LPAR3: variants seen among roughly 807,000 people sequenced by gnomAD.
The protein encoded by LPAR3 is LPA receptor 3.
Under a neutral mutation model 17.8 loss-of-function variants are expected in LPAR3, and 7 were observed. The observed-to-expected ratio is 0.39, with a 90% confidence interval of 0.22 to 0.74. LPAR3 has a LOEUF of 0.74. LPAR3 is among the 30% of genes least tolerant of loss of function. The pLI, the probability that LPAR3 is intolerant of heterozygous loss-of-function variation, is 0.40. For missense variants in LPAR3, 391 were observed against 453.4 expected, an observed-to-expected ratio of 0.86 and a Z score of 1.25; for synonymous variants, 179 against 179.9, an observed-to-expected ratio of 0.99 and a Z score of 0.04.
intron 1 of LPAR3, among the ~76,000 whole-genome samples, chr1:84,891,692 G>A (rs905141249): frequency 3.3e-5 from 5 of 152,174 alleles, no homozygotes; most frequent in Admixed American, 6.5e-5. Context: ...TTAATGAAAC[G>A]TTGTGCGGTA....
intron 1 of LPAR3, among the ~76,000 whole-genome samples, chr1:84,880,536 T>C (rs1027869505): frequency 1.3e-5 from 2 of 152,178 alleles, no homozygotes; most frequent in Non-Finnish European, 2.9e-5. Flanking sequence ...GATCAGAGTA[T>C]GGGTGCATCT....
intron 1 of LPAR3, among the ~76,000 whole-genome samples, chr1:84,886,935 A>C (rs186824086): frequency 6.6e-6 from 1 of 152,336 alleles, no homozygotes; most frequent in East Asian, 1.9e-4. Context: ...AATAAAAAAC[A>C]ATCGTGAGAC....
chr1:84,887,982 A>G (rs147672681), intron 1 of LPAR3, among the ~76,000 whole-genome samples: 2,443 of 152,198 alleles, frequency 0.016, 33 homozygotes, highest in Non-Finnish European at 0.026. Flanking sequence ...TTTTGTATCA[A>G]TGTCCATTTC....
At chr1:84,817,142 C>T (rs1658948526) in intron 2 of LPAR3, among the ~76,000 whole-genome samples, 1 of 152,040 alleles carries the variant, frequency 6.6e-6, no homozygotes, top group Non-Finnish European at 1.5e-5. Context: ...CTGCTGGTTC[C>T]CAGCAGTCAT....
At chr1:84,859,486 C>T (rs1659894739) in intron 2 of LPAR3, among the ~76,000 whole-genome samples, 1 of 152,150 alleles carries the variant, frequency 6.6e-6, no homozygotes, top group African/African-American at 2.4e-5. Flanking sequence ...GAAAAATAAA[C>T]CTTGACCCTC....
intron 1 of LPAR3, among the ~76,000 whole-genome samples, chr1:84,866,949 G>A (rs1434272080): frequency 3.3e-5 from 5 of 152,174 alleles, no homozygotes; most frequent in Admixed American, 2.6e-4. Context: ...GGCAGGTGGA[G>A]GAGGATCGGG....
chr1:84,848,283 C>T (rs1179102109), intron 2 of LPAR3, among the ~76,000 whole-genome samples: 1 of 152,224 alleles, frequency 6.6e-6, no homozygotes, highest in Non-Finnish European at 1.5e-5. Flanking sequence ...GCCAAGAAAG[C>T]CTTCAACTTA....
At chr1:84,824,527 C>G (rs1659115982) in intron 2 of LPAR3, among the ~76,000 whole-genome samples, 1 of 152,134 alleles carries the variant, frequency 6.6e-6, no homozygotes, top group African/African-American at 2.4e-5. Flanking sequence ...CAAGCAGACC[C>G]TGAGTTGAAA....
intron 2 of LPAR3, among the ~76,000 whole-genome samples, chr1:84,843,136 G>A (rs758525630): frequency 6.6e-6 from 1 of 152,178 alleles, no homozygotes; most frequent in Non-Finnish European, 1.5e-5. Flanking sequence ...CAAGTGCAAC[G>A]CCTGTGGAGG....
chr1:84,831,727 C>T (rs562241414), intron 2 of LPAR3, among the ~76,000 whole-genome samples: 1 of 151,390 alleles, frequency 6.6e-6, no homozygotes, highest in South Asian at 2.1e-4. Flanking sequence ...GTAAGAAGAG[C>T]CTCACACTCT....
Position 84,853,541 on chromosome 1 carries a change from C to T in LPAR3, c.736+11844G>A, listed in dbSNP as rs192070605. Among the ~76,000 whole-genome samples, 450 of 152,294 alleles carry T rather than the reference C, an allele frequency of 3.0e-3. No homozygotes were observed. In the Middle Eastern group the frequency reaches 0.037, roughly 13 times the overall value. Reference sequence around the variant, plus strand: ...CTCTTCCTGCTTCTTCTCTCTCTGCCTCCTGCCAGATTTCCATAAGCTCAC... The same window carrying T: ...CTCTTCCTGCTTCTTCTCTCTCTGCTTCCTGCCAGATTTCCATAAGCTCAC... On this transcript the variant is annotated intron_variant, in intron 2 of 2. Coordinates refer to ENST00000370611, the MANE Select transcript of LPAR3 (RefSeq NM_012152.3).
chr1:84,833,917 G>GA (rs1659343497), intron 2 of LPAR3, among the ~76,000 whole-genome samples: 1 of 152,106 alleles, frequency 6.6e-6, no homozygotes, highest in South Asian at 2.1e-4. Flanking sequence ...GGAAGAGCTG[G>GA]AAAAAATGCT....
chr1:84,851,269 CATA>C (rs1659705064), intron 2 of LPAR3, among the ~76,000 whole-genome samples: 1 of 152,214 alleles, frequency 6.6e-6, no homozygotes, highest in Non-Finnish European at 1.5e-5. Context: ...CAAAGTGCTT[CATA>C]AATGTCGATT....
chr1:84,817,152 T>C (rs1336026672), intron 2 of LPAR3, among the ~76,000 whole-genome samples: 1 of 152,172 alleles, frequency 6.6e-6, no homozygotes, highest in Non-Finnish European at 1.5e-5. Context: ...CCAGCAGTCA[T>C]AGTCTGAGCA....
intron 2 of LPAR3, 128 bp downstream of exon 2, chr1:84,865,257 C>A: frequency 9.9e-7 from 1 of 1,009,230 alleles, no homozygotes; most frequent in Non-Finnish European, 1.4e-6. Context: ...AGGTGGGTGG[C>A]GATTTATGTC....
chr1:84,884,930 C>T (rs1660430234), intron 1 of LPAR3, among the ~76,000 whole-genome samples: 1 of 152,230 alleles, frequency 6.6e-6, no homozygotes, highest in Non-Finnish European at 1.5e-5. Context: ...TTTTATTCCT[C>T]TCATCCCTGT....
At chr1:84,850,536 C>A (rs867750672) in intron 2 of LPAR3, among the ~76,000 whole-genome samples, 5 of 152,034 alleles carry the variant, frequency 3.3e-5, no homozygotes, top group African/African-American at 1.2e-4. Context: ...TTGCAGTGAG[C>A]CGAGATTGCA....
At chr1:84,846,267 AATT>A (rs1659593883) in intron 2 of LPAR3, among the ~76,000 whole-genome samples, 1 of 152,212 alleles carries the variant, frequency 6.6e-6, no homozygotes, top group Non-Finnish European at 1.5e-5. Flanking sequence ...ACATTGCTCC[AATT>A]AAGGTTAGAA....
chr1:84,858,314 T>C (rs185744712), intron 2 of LPAR3, among the ~76,000 whole-genome samples: 2 of 152,054 alleles, frequency 1.3e-5, no homozygotes, highest in African/African-American at 4.8e-5. Context: ...AAACTCTATC[T>C]CTACTAAAAA....
Sources: allele counts gnomAD v4.1 joint callset (sites outside exome capture counted in the v4.1 genomes callset), GRCh38; gene constraint gnomAD v4.1.1; transcripts MANE v1.5; gene names NCBI Gene and HGNC (gene_info 2026-07-23, HGNC 2026-07-21).